Variants in FIG4 observed in about 807,000 individuals in gnomAD.
FIG4 encodes the protein polyphosphoinositide phosphatase.
FIG4 carries 112 observed loss-of-function variants against 118.6 expected under a neutral mutation model. The observed-to-expected ratio is 0.94, with a 90% CI of 0.81 to 1.11. FIG4 has a LOEUF of 1.11. Ranked by LOEUF, FIG4 falls within the 50% of genes least tolerant of loss-of-function variation. FIG4 has a pLI of 0.00. For synonymous variants in FIG4, 369 were observed against 381.2 expected (o/e 0.97, Z 0.37); for missense variants, 969 against 1,111.7 (o/e 0.87, Z 1.83).
intron 21 of FIG4, among the ~76,000 whole-genome samples, chr6:109,796,444 G>C (rs1454162168): frequency 6.6e-6 from 1 of 152,196 alleles, no homozygotes; most frequent in Non-Finnish European, 1.5e-5. Context: ...GGCTCTGCAA[G>C]ATCATCTTCC....
intron 10 of FIG4, among the ~76,000 whole-genome samples, chr6:109,749,992 C>T (rs1230286104): frequency 3.3e-5 from 5 of 152,160 alleles, no homozygotes; most frequent in Non-Finnish European, 5.9e-5. Flanking sequence ...GATGTTTATT[C>T]AGGCCACTTG....
chr6:109,704,332 T>C (rs1774991501), intron 1 of FIG4, among the ~76,000 whole-genome samples: 2 of 152,052 alleles, frequency 1.3e-5, no homozygotes, highest in South Asian at 4.1e-4. Flanking sequence ...GTGACATCAA[T>C]AGAAACACCA....
intron 4 of FIG4, among the ~76,000 whole-genome samples, chr6:109,727,837 A>G (rs1775867410): frequency 6.6e-6 from 1 of 152,166 alleles, no homozygotes; most frequent in African/African-American, 2.4e-5. Context: ...AATACATACC[A>G]CTGGACTTCC....
chr6:109,767,031 G>A, intron 15 of FIG4, 136 bp downstream of exon 15: 1 of 702,216 alleles, frequency 1.4e-6, no homozygotes, highest in Non-Finnish European at 2.4e-6. Context: ...TCACTTAGAA[G>A]GTGCTCAGTA....
intron 1 of FIG4, among the ~76,000 whole-genome samples, chr6:109,693,653 G>C (rs1383703807): frequency 1.3e-5 from 2 of 152,174 alleles, no homozygotes; most frequent in Non-Finnish European, 2.9e-5. Flanking sequence ...CAAAAACAGT[G>C]TAGGTGCTGG....
chr6:109,824,404 G>A (rs1024341104), intron 22 of FIG4, among the ~76,000 whole-genome samples: 2 of 152,196 alleles, frequency 1.3e-5, no homozygotes, highest in Non-Finnish European at 2.9e-5. Context: ...ATATTCACGG[G>A]AAGTGGGGGT....
At chr6:109,757,020 T>A (rs1405776086) in intron 10 of FIG4, among the ~76,000 whole-genome samples, 1 of 152,212 alleles carries the variant, frequency 6.6e-6, no homozygotes, top group Non-Finnish European at 1.5e-5. Flanking sequence ...ATCACCCGTC[T>A]TCTGCGTCGC....
intron 10 of FIG4, among the ~76,000 whole-genome samples, chr6:109,753,230 G>A (rs947650126): frequency 2.0e-5 from 3 of 152,144 alleles, no homozygotes; most frequent in African/African-American, 4.8e-5. Context: ...GAGATCGGGC[G>A]TGTTCAGGGT....
chr6:109,743,991 A>G (rs987092108), intron 10 of FIG4, among the ~76,000 whole-genome samples: 7 of 152,100 alleles, frequency 4.6e-5, no homozygotes, highest in African/African-American at 7.2e-5. Context: ...TGAGTAGTAT[A>G]TATCTAAGGG....
rs9487196 is a variant in FIG4 at position 109,737,793 on chromosome 6, A to G, written c.647-532A>G. Among the ~76,000 whole-genome samples the G allele has an allele frequency of 5.4e-3, 826 of 152,282 alleles. 9 individuals carry two copies. The highest frequency in any genetic ancestry group is 0.019 in the African/African-American group (797 of 41,554). ...CACCTATTGGAAGTATTTGTAATAC[A>G]CTAGGCTTATTCTAGGCCCCTTACG... On this transcript the variant is annotated intron_variant, in intron 6 of 22. Transcript: ENST00000230124.
rs1223371250 is a variant in FIG4, at chr6:109,766,713, G to A, written c.1584-16G>A. 2 of 1,611,278 alleles carry A rather than the reference G, an allele frequency of 1.2e-6. No individual in the cohort carries two copies. The highest frequency in any genetic ancestry group is 1.6e-4 in the Middle Eastern group (1 of 6,076). ...GATTTTGGTGAAATTCTTTAATCGG[G>A]TTTTTCTTTTTTTAGGTTATTTGAG... On this transcript the variant is annotated splice_polypyrimidine_tract_variant and intron_variant, in intron 14 of 22. Coordinates refer to ENST00000230124, the MANE Select transcript of FIG4 (RefSeq NM_014845.6).
intron 10 of FIG4, among the ~76,000 whole-genome samples, chr6:109,755,707 T>C (rs1297495639): frequency 6.6e-6 from 1 of 152,238 alleles, no homozygotes; most frequent in Non-Finnish European, 1.5e-5. Flanking sequence ...CCTTTGTCTC[T>C]TTTGATCTTT....
chr6:109,711,529 C>G (rs1336282799), intron 1 of FIG4, among the ~76,000 whole-genome samples: 4 of 151,346 alleles, frequency 2.6e-5, no homozygotes, highest in African/African-American at 9.7e-5. Flanking sequence ...CATTCTTTGT[C>G]TTTTTTTTTA....
chr6:109,785,964 G>A (rs1316342437), intron 17 of FIG4: 5 of 326,564 alleles, frequency 1.5e-5, no homozygotes, highest in Non-Finnish European at 2.9e-5. Context: ...TAGGGAAAAA[G>A]CTGTACAATT....
intron 15 of FIG4, among the ~76,000 whole-genome samples, chr6:109,769,400 A>G (rs928294842): frequency 6.6e-6 from 1 of 152,184 alleles, no homozygotes; most frequent in Non-Finnish European, 1.5e-5. Flanking sequence ...ACTACCGTGA[A>G]AGGAATGATT....
At chr6:109,796,022 T>C (rs1356220690) in intron 21 of FIG4, among the ~76,000 whole-genome samples, 2 of 152,222 alleles carry the variant, frequency 1.3e-5, no homozygotes, top group Non-Finnish European at 2.9e-5. Flanking sequence ...CCAGCAGATA[T>C]GCACTCCAGA....
At chr6:109,822,896 T>C (rs1779050745) in intron 22 of FIG4, among the ~76,000 whole-genome samples, 1 of 149,298 alleles carries the variant, frequency 6.7e-6, no homozygotes, top group African/African-American at 2.5e-5. Context: ...CATAACTATA[T>C]ATATATAGTG....
chr6:109,747,042 C>G (rs2128387667), intron 10 of FIG4, among the ~76,000 whole-genome samples: 1 of 152,140 alleles, frequency 6.6e-6, no homozygotes, highest in Admixed American at 6.5e-5. Context: ...GGGGGAAGAT[C>G]ATGAGTGTAG....
rs528865390 is a variant in FIG4, at chr6:109,819,266, C to G, written c.2547-5822C>G. Among the ~76,000 whole-genome samples, 6 of 152,312 alleles carry G rather than the reference C, an allele frequency of 3.9e-5. No homozygotes were observed. In the South Asian group the frequency reaches 1.2e-3, roughly 32 times the overall value. On this transcript the variant is annotated intron_variant, in intron 22 of 22. Coordinates refer to ENST00000230124, the MANE Select transcript of FIG4 (RefSeq NM_014845.6). ...TGCTATTTGTCCTTAGTAGTGACCT[C>G]ATCCCACTAGGCAACAATGGTAAAG...
Sources: gnomAD v4.1 joint callset for allele counts (sites outside exome capture counted in the v4.1 genomes callset) on GRCh38, gnomAD v4.1.1 for gene constraint, MANE v1.5 for transcripts, NCBI Gene and HGNC (gene_info 2026-07-23, HGNC 2026-07-21) for gene names.